Variants in KCND2 observed in about 807,000 individuals in gnomAD.
KCND2 encodes the protein potassium voltage-gated channel subfamily D member 2, also known as A-type voltage-gated potassium channel KCND2.
Under a neutral mutation model 54.4 loss-of-function variants are expected in KCND2, and 16 were observed. That is an observed-to-expected ratio of 0.29 (90% CI 0.20 to 0.45). KCND2 has a LOEUF of 0.45. Ranked by LOEUF, KCND2 falls within the 20% of genes least tolerant of loss-of-function variation. The pLI, the probability that KCND2 is intolerant of heterozygous loss-of-function variation, is 1.00. For synonymous variants in KCND2, 317 were observed against 310.7 expected (o/e 1.02, Z -0.21); for missense variants, 486 against 824.2 (o/e 0.59, Z 5.02).
chr7:120,379,588 G>A (rs1800886000), intron 1 of KCND2, among the ~76,000 whole-genome samples: 1 of 151,958 alleles, frequency 6.6e-6, no homozygotes. Flanking sequence ...ATTTATGTCT[G>A]TGGCCCATTA....
At chr7:120,591,693 ACTAC>A (rs1434367266) in intron 1 of KCND2, among the ~76,000 whole-genome samples, 1 of 152,114 alleles carries the variant, frequency 6.6e-6, no homozygotes, top group African/African-American at 2.4e-5. Flanking sequence ...GTCTCCTTTT[ACTAC>A]CTATTAGTTA....
chr7:120,421,828 A>G (rs1563040976), intron 1 of KCND2, among the ~76,000 whole-genome samples: 1 of 152,118 alleles, frequency 6.6e-6, no homozygotes, highest in Non-Finnish European at 1.5e-5. Flanking sequence ...TCCATCCACA[A>G]TCCTGGCATG....
intron 1 of KCND2, among the ~76,000 whole-genome samples, chr7:120,501,284 C>T (rs1471495950): frequency 1.3e-5 from 2 of 152,052 alleles, no homozygotes; most frequent in African/African-American, 4.8e-5. Context: ...AGAACTTGTT[C>T]AGCAATGATG....
chr7:120,330,774 G>T (rs1353666333), intron 1 of KCND2, among the ~76,000 whole-genome samples: 1 of 151,966 alleles, frequency 6.6e-6, no homozygotes, highest in Non-Finnish European at 1.5e-5. Flanking sequence ...AATCTTGAAG[G>T]TGCAGAGCAA....
intron 1 of KCND2, among the ~76,000 whole-genome samples, chr7:120,495,621 G>A (rs1802837560): frequency 6.6e-6 from 1 of 152,122 alleles, no homozygotes; most frequent in African/African-American, 2.4e-5. Context: ...TTTGTCATTG[G>A]TAGATTATCT....
In KCND2 at chr7:120,275,464, G is replaced by C; in HGVS notation, c.832G>C (p.Val278Leu). The change falls in exon 1 of 6, where the codon GTG becomes CTG. Residue 278 changes from valine (V) to leucine (L), a missense_variant. Val to Leu is a conservative substitution (Grantham distance 32). This residue lies in a region of KCND2 where 231 missense variants were observed against 386.0 expected (regional missense o/e 0.60). Transcript: ENST00000331113. The stretch of plus-strand genomic sequence containing the variant: ...CATCCTGCCTTATTACATTGGGCTG[G>C]TGATGACAGACAATGAGGACGTCAG... Reference protein sequence around the residue: ...VAILPYYIGLVMTDNEDVSGA... With the variant: ...VAILPYYIGLLMTDNEDVSGA... The C allele has an allele frequency of 6.2e-7, 1 of 1,613,542 alleles. No individual in the cohort carries two copies. Among genetic ancestry groups the C allele is most frequent in the Non-Finnish European group, 8.5e-7 (1 of 1,179,798 alleles).
Position 120,644,326 on chromosome 7 carries a change from C to T in KCND2, c.1116-88577C>T, listed in dbSNP as rs113300129. On this transcript the variant is annotated intron_variant, in intron 1 of 5. Coordinates refer to ENST00000331113, the MANE Select transcript of KCND2 (RefSeq NM_012281.3). The stretch of plus-strand genomic sequence containing the variant: ...CTAGAACTCAGCTCCATTTCCGAGG[C>T]GCAGAAATATCAGCCAGACTATACT... 1.5e-3 allele frequency among the ~76,000 whole-genome samples: 229 copies of T among 152,168 alleles called. 2 individuals carry two copies. Among genetic ancestry groups the T allele is most frequent in the African/African-American group, 5.2e-3 (217 of 41,532 alleles).
intron 1 of KCND2, among the ~76,000 whole-genome samples, chr7:120,666,605 T>A (rs1367008633): frequency 6.6e-6 from 1 of 152,054 alleles, no homozygotes; most frequent in East Asian, 1.9e-4. Context: ...TCTTTTTTCC[T>A]TGTCCACATT....
intron 1 of KCND2, among the ~76,000 whole-genome samples, chr7:120,582,310 T>G (rs1404957113): frequency 6.6e-6 from 1 of 152,130 alleles, no homozygotes; most frequent in East Asian, 1.9e-4. Context: ...TTTTCCTCCT[T>G]TCTAGCAAAT....
chr7:120,704,200 G>A (rs561241453), intron 1 of KCND2, among the ~76,000 whole-genome samples: 2 of 152,152 alleles, frequency 1.3e-5, no homozygotes, highest in South Asian at 4.1e-4. Context: ...TTATTTAAGA[G>A]GAACAAAAAT....
At chr7:120,665,089 A>T (rs116578320) in intron 1 of KCND2, among the ~76,000 whole-genome samples, 1,920 of 152,188 alleles carry the variant, frequency 0.013, 37 homozygotes, top group African/African-American at 0.042. Flanking sequence ...TTATTTTTCC[A>T]GAAAAGTGCA....
Position 120,720,964 on chromosome 7 carries a change from T to G in KCND2, c.1116-11939T>G, listed in dbSNP as rs12533058. 7.0e-3 allele frequency among the ~76,000 whole-genome samples: 1,059 copies of G among 152,270 alleles called. 10 individuals are homozygous for G. The highest frequency in any genetic ancestry group is 0.024 in the African/African-American group (988 of 41,562). ...GTAGAGAGGAGCATACGAAGAGAAG[T>G]AAGAAAGTATGCATTTAATGTACTT... is the stretch of plus-strand genomic sequence containing the variant. On this transcript the variant is annotated intron_variant, in intron 1 of 5. Transcript: ENST00000331113.
chr7:120,478,031 GATAATA>G (rs1346738536), intron 1 of KCND2, among the ~76,000 whole-genome samples: 1 of 151,926 alleles, frequency 6.6e-6, no homozygotes, highest in Non-Finnish European at 1.5e-5. Context: ...ATGTAATAAA[GATAATA>G]ATAATAATGT....
chr7:120,350,445 G>A (rs908649863), intron 1 of KCND2, among the ~76,000 whole-genome samples: 9 of 152,078 alleles, frequency 5.9e-5, no homozygotes, highest in Non-Finnish European at 1.0e-4. Context: ...ACAAGTTAAT[G>A]TTACTAAGAG....
At chr7:120,577,645 G>C (rs1417262689) in intron 1 of KCND2, among the ~76,000 whole-genome samples, 1 of 152,168 alleles carries the variant, frequency 6.6e-6, no homozygotes, top group Non-Finnish European at 1.5e-5. Flanking sequence ...GAGTGCAGTG[G>C]TGCAATCTCG....
In KCND2 at chr7:120,348,235, G is replaced by A. The variant is rs148054838; in HGVS notation, c.1115+72488G>A. Among the ~76,000 whole-genome samples, 1,377 of 152,122 alleles carry A rather than the reference G, an allele frequency of 9.1e-3. 26 individuals carry two copies. Among genetic ancestry groups the A allele is most frequent in the African/African-American group, 0.03 (1,253 of 41,480 alleles). ...TCTCTTAGTTGCCCTACAACCCACCGTTTAACAGAATAGTTATTGTTATAG... is the reference window on the plus strand; with the variant it reads ...TCTCTTAGTTGCCCTACAACCCACCATTTAACAGAATAGTTATTGTTATAG... On this transcript the variant is annotated intron_variant, in intron 1 of 5. Transcript: ENST00000331113.
chr7:120,459,977 G>A (rs1562844257), intron 1 of KCND2, among the ~76,000 whole-genome samples: 1 of 152,128 alleles, frequency 6.6e-6, no homozygotes, highest in African/African-American at 2.4e-5. Flanking sequence ...CTTTTTCAAT[G>A]CCTTCTTCCT....
intron 1 of KCND2, among the ~76,000 whole-genome samples, chr7:120,558,572 C>G (rs946963223): frequency 7.2e-5 from 11 of 152,096 alleles, no homozygotes; most frequent in Non-Finnish European, 1.6e-4. Flanking sequence ...TGTATGTGAA[C>G]AACTAATTAG....
At chr7:120,531,865 A>G (rs962710616) in intron 1 of KCND2, among the ~76,000 whole-genome samples, 1 of 151,996 alleles carries the variant, frequency 6.6e-6, no homozygotes, top group African/African-American at 2.4e-5. Context: ...TTTTCTTTCC[A>G]AGAAATGCTG....
Sources: gnomAD v4.1 joint callset for allele counts (sites outside exome capture counted in the v4.1 genomes callset) on GRCh38, gnomAD v4.1.1 for gene constraint, gnomAD v4.1.1 regional missense constraint, MANE v1.5 for transcripts, NCBI Gene and HGNC (gene_info 2026-07-23, HGNC 2026-07-21) for gene names.